Variants in PPFIBP1 observed in about 807,000 individuals in gnomAD.
PPFIBP1 encodes the protein liprin-beta-1.
PPFIBP1 carries 112 observed loss-of-function variants against 137.8 expected under a neutral mutation model. The ratio of observed to expected loss-of-function variants is 0.81; its 90% CI spans 0.70 to 0.95. The LOEUF (loss-of-function observed/expected upper bound fraction) is 0.95, where lower values mean the gene tolerates loss of function less well. PPFIBP1 is among the 40% of genes least tolerant of loss of function. PPFIBP1 has a pLI of 0.00. For synonymous variants in PPFIBP1, 378 were observed against 417.3 expected (o/e 0.91, Z 1.15); for missense variants, 1,083 against 1,196.6 (o/e 0.91, Z 1.40).
intron 17 of PPFIBP1, 141 bp from the exon 18 acceptor site, chr12:27,676,287 C>A: frequency 1.8e-6 from 1 of 566,244 alleles, no homozygotes; most frequent in Non-Finnish European, 2.8e-6. Flanking sequence ...AGGCATTTGA[C>A]ATTGGTGATC....
Position 27,676,539 on chromosome 12 carries a change from T to A in PPFIBP1, c.1522T>A (p.Phe508Ile), listed in dbSNP as rs1593312263. 4 of 1,609,224 alleles carry A rather than the reference T, an allele frequency of 2.5e-6. No individual in the cohort carries two copies. The highest frequency in any genetic ancestry group is 3.4e-6 in the Non-Finnish European group (4 of 1,177,124). Residue 508 changes from phenylalanine to isoleucine, a missense_variant, in exon 18 of 30, where the codon TTT becomes ATT. Physicochemically the swap from Phe to Ile is conservative, Grantham distance 21 (BLOSUM62 0). Transcript: ENST00000228425. ...PFGTRKVRSS[F>I]GRGFFKIKSN... ...CGGCACTCGAAAAGTCAGATCTTCC[T>A]TTGGCCGGGGCTTTTTTAAAATCAA...
At chr12:27,576,115 T>C (rs2050537219) in intron 1 of PPFIBP1, among the ~76,000 whole-genome samples, 1 of 152,224 alleles carries the variant, frequency 6.6e-6, no homozygotes, top group Non-Finnish European at 1.5e-5. Flanking sequence ...GCAATACTTA[T>C]TTTCTCATAA....
At chr12:27,664,611 C>T (rs934903020) in intron 12 of PPFIBP1, among the ~76,000 whole-genome samples, 165 bp downstream of exon 12, 6 of 152,098 alleles carry the variant, frequency 3.9e-5, no homozygotes, top group Non-Finnish European at 8.8e-5. Context: ...AGAAAGTGTC[C>T]AGCCTGAGGA....
rs33939858 is a variant in PPFIBP1 at position 27,593,129 on chromosome 12, C to CA, written c.-36+14911dup. Reference sequence around the variant, plus strand: ...CCTGGGCAACGGAGAAAGAATGTCTCAAAAAAAAAAAAAAAAAAAAAGCCC... The same window carrying CA: ...CCTGGGCAACGGAGAAAGAATGTCTCAAAAAAAAAAAAAAAAAAAAAAGCCC... On this transcript the variant is annotated intron_variant, in intron 2 of 29. Coordinates refer to ENST00000228425, the MANE Select transcript of PPFIBP1 (RefSeq NM_003622.4). Among the ~76,000 whole-genome samples, 195 of 100,864 alleles carry CA rather than the reference C, an allele frequency of 1.9e-3. 5 individuals are homozygous for CA. The highest frequency in any genetic ancestry group is 2.3e-3 in the East Asian group (7 of 3,056). The allele number at this position is 100,864 out of a possible 152,430, so 66.2% of individuals were successfully genotyped here.
At chr12:27,645,723 C>T (rs554842454) in intron 4 of PPFIBP1, among the ~76,000 whole-genome samples, 9 of 152,314 alleles carry the variant, frequency 5.9e-5, no homozygotes, top group East Asian at 1.9e-4. Flanking sequence ...CTCAACAACT[C>T]GGGGTGCCCC....
chr12:27,675,739 T>C (rs950879815), intron 17 of PPFIBP1, among the ~76,000 whole-genome samples: 3 of 152,156 alleles, frequency 2.0e-5, no homozygotes, highest in East Asian at 3.8e-4. Context: ...GATGAAAACA[T>C]AGGGGAAACA....
At position 27,692,575 on chromosome 12, in the gene PPFIBP1, G is replaced by A. The variant is rs2061615152; in HGVS notation, c.2866-16G>A. ...TGTGAAAACACTTATGTCATGTTAT[G>A]GTTTGTTATTTGCAGATGGAAGATT... On this transcript the variant is annotated splice_polypyrimidine_tract_variant and intron_variant, in intron 28 of 29. Coordinates refer to ENST00000228425, the MANE Select transcript of PPFIBP1 (RefSeq NM_003622.4). 2 of 1,611,592 alleles carry A rather than the reference G, an allele frequency of 1.2e-6. No individual in the cohort carries two copies. Among genetic ancestry groups the A allele is most frequent in the Non-Finnish European group, 8.5e-7 (1 of 1,178,618 alleles).
At chr12:27,537,090 C>G (rs996149775) in intron 1 of PPFIBP1, among the ~76,000 whole-genome samples, 2 of 152,044 alleles carry the variant, frequency 1.3e-5, no homozygotes, top group East Asian at 1.9e-4. Context: ...TGATACAGAC[C>G]TTGCCGTTGT....
rs1229359281 is a variant in PPFIBP1 at position 27,635,072 on chromosome 12, A to G, written c.227A>G (p.Asp76Gly). 6.2e-7 allele frequency: 1 copy of G among 1,614,104 alleles called. No individual in the cohort carries two copies. The highest frequency in any genetic ancestry group is 8.5e-7 in the Non-Finnish European group (1 of 1,180,030). ...EKEGLRCQIPDSTAETLVEWL... is the reference protein window; with the variant it reads ...EKEGLRCQIPGSTAETLVEWL... Reference sequence around the variant, plus strand: ...GAAGGCTTGAGATGCCAGATCCCAGATTCAACAGCAGAAACGCTTGTTGAA... The same window carrying G: ...GAAGGCTTGAGATGCCAGATCCCAGGTTCAACAGCAGAAACGCTTGTTGAA... Residue 76 changes from aspartate to glycine, a missense_variant, in exon 4 of 30, where the codon GAT becomes GGT. Transcript: ENST00000228425.
chr12:27,525,368 T>C (rs1355712423), intron 1 of PPFIBP1, among the ~76,000 whole-genome samples: 1 of 152,064 alleles, frequency 6.6e-6, no homozygotes, highest in Non-Finnish European at 1.5e-5. Flanking sequence ...TTTCAAACCC[T>C]GTCTTTTTCC....
intron 1 of PPFIBP1, among the ~76,000 whole-genome samples, chr12:27,563,594 A>G (rs972361004): frequency 1.3e-5 from 2 of 152,102 alleles, no homozygotes; most frequent in East Asian, 1.9e-4. Context: ...TGAAGGGACC[A>G]TAAGCCAAGG....
At chr12:27,691,963 TTC>T (rs755468286) in intron 28 of PPFIBP1, 35 bp downstream of exon 28, 23 of 1,536,634 alleles carry the variant, frequency 1.5e-5, no homozygotes, top group South Asian at 2.5e-5. Context: ...TTGCGAGTTC[TTC>T]CATCATTCAG....
chr12:27,612,436 T>A (rs2055239654), intron 2 of PPFIBP1, among the ~76,000 whole-genome samples: 1 of 147,544 alleles, frequency 6.8e-6, no homozygotes, highest in Non-Finnish European at 1.5e-5. Flanking sequence ...CAGACTCAAG[T>A]GATCCTCCAA....
At chr12:27,633,559 T>C (rs902711059) in intron 3 of PPFIBP1, 99 bp downstream of exon 3, 8 of 1,027,028 alleles carry the variant, frequency 7.8e-6, no homozygotes, top group Non-Finnish European at 1.1e-5. Flanking sequence ...TTATTTTCAT[T>C]TTTTAGACCT....
chr12:27,542,969 A>C (rs1945830494), intron 1 of PPFIBP1, among the ~76,000 whole-genome samples: 1 of 152,196 alleles, frequency 6.6e-6, no homozygotes, highest in South Asian at 2.1e-4. Flanking sequence ...GTACCAGAGC[A>C]ACATTAAAAA....
intron 2 of PPFIBP1, among the ~76,000 whole-genome samples, chr12:27,606,460 G>A (rs1185856360): frequency 2.6e-5 from 4 of 152,208 alleles, no homozygotes; most frequent in African/African-American, 9.7e-5. Flanking sequence ...AATATTGTTT[G>A]CCATTTGATA....
At chr12:27,568,567 C>T (rs2049882499) in intron 1 of PPFIBP1, among the ~76,000 whole-genome samples, 1 of 152,208 alleles carries the variant, frequency 6.6e-6, no homozygotes, top group Non-Finnish European at 1.5e-5. Flanking sequence ...CCAGGATGTT[C>T]TCAATCACGG....
At chr12:27,645,559 G>A (rs1033577321) in intron 4 of PPFIBP1, among the ~76,000 whole-genome samples, 2 of 152,164 alleles carry the variant, frequency 1.3e-5, no homozygotes, top group African/African-American at 4.8e-5. Context: ...CTCTGCCCTG[G>A]AATAGAAGGT....
chr12:27,564,019 C>T (rs1029052235), intron 1 of PPFIBP1, among the ~76,000 whole-genome samples: 4 of 152,128 alleles, frequency 2.6e-5, no homozygotes, highest in South Asian at 2.1e-4. Context: ...ACTACAGGTG[C>T]GTGCCACCAC....
Sources: allele counts gnomAD v4.1 joint callset (sites outside exome capture counted in the v4.1 genomes callset), GRCh38; gene constraint gnomAD v4.1.1; transcripts MANE v1.5; gene names NCBI Gene and HGNC (gene_info 2026-07-23, HGNC 2026-07-21).